LUZP2: variants seen among roughly 807,000 people sequenced by gnomAD.
LUZP2 encodes leucine zipper protein 2.
In LUZP2, 52 loss-of-function variants were observed where a neutral mutation model predicts 51.6. The observed-to-expected ratio is 1.01, with a 90% CI of 0.81 to 1.27. LUZP2 has a LOEUF of 1.27. LUZP2 is among the 50% of genes most tolerant of loss of function. LUZP2 has a pLI of 0.00. For synonymous variants in LUZP2, 154 were observed against 137.3 expected (o/e 1.12, Z -0.85); for missense variants, 436 against 395.4 (o/e 1.10, Z -0.87).
chr11:24,559,671 G>C (rs1380776840), intron 1 of LUZP2, among the ~76,000 whole-genome samples: 1 of 152,170 alleles, frequency 6.6e-6, no homozygotes, highest in Non-Finnish European at 1.5e-5. Context: ...CAATTATCTT[G>C]TGACTTTTCT....
chr11:24,723,350 G>A (rs980697062), intron 1 of LUZP2, among the ~76,000 whole-genome samples: 6 of 152,060 alleles, frequency 3.9e-5, no homozygotes, highest in African/African-American at 9.7e-5. Flanking sequence ...TTTATGATGC[G>A]GCAATTCCAT....
At chr11:24,731,120 G>C (rs186831094) in intron 2 of LUZP2, among the ~76,000 whole-genome samples, 3 of 151,690 alleles carry the variant, frequency 2.0e-5, no homozygotes, top group African/African-American at 7.2e-5. Context: ...GGTTTGTCTT[G>C]TAAAGTTCAT....
At chr11:24,636,268 A>G (rs946946824) in intron 1 of LUZP2, among the ~76,000 whole-genome samples, 1 of 152,120 alleles carries the variant, frequency 6.6e-6, no homozygotes, top group Non-Finnish European at 1.5e-5. Flanking sequence ...TTCTCTATCA[A>G]TACTACTTTT....
intron 1 of LUZP2, among the ~76,000 whole-genome samples, chr11:24,531,556 T>G (rs1851000843): frequency 6.6e-6 from 1 of 150,908 alleles, no homozygotes; most frequent in Admixed American, 6.6e-5. Context: ...CTTGTGTATC[T>G]ATTAGCCCAC....
Position 24,817,623 on chromosome 11 carries a change from A to G in LUZP2, c.396+54315A>G, listed in dbSNP as rs190968554. Reference sequence around the variant, plus strand: ...CTTGAAAAACAAAATTAATTTTCCAAATTCTCTGATAGTGAGAATTTACTT... The same window carrying G: ...CTTGAAAAACAAAATTAATTTTCCAGATTCTCTGATAGTGAGAATTTACTT... On this transcript the variant is annotated intron_variant, in intron 5 of 11. Coordinates refer to ENST00000336930, the MANE Select transcript of LUZP2 (RefSeq NM_001009909.4). 1.6e-4 allele frequency among the ~76,000 whole-genome samples: 24 copies of G among 152,176 alleles called. No homozygotes were observed. The East Asian group carries it at 2.3e-3, about 15-fold the overall frequency.
intron 5 of LUZP2, among the ~76,000 whole-genome samples, chr11:24,774,362 C>CTCTCTCTATATATATATATATATA (rs776739280): frequency 2.6e-5 from 2 of 76,388 alleles, no homozygotes; most frequent in African/African-American, 1.2e-4. Flanking sequence ...CTCTCTCTCT[C>CTCTCTCTATATATATATATATATA]TATATATATA....
chr11:24,642,221 C>T (rs1315092087), intron 1 of LUZP2, among the ~76,000 whole-genome samples: 1 of 151,776 alleles, frequency 6.6e-6, no homozygotes, highest in African/African-American at 2.4e-5. Flanking sequence ...GGATTTTTAG[C>T]TAATAAACGT....
Position 24,935,401 on chromosome 11 carries a change from T to C in LUZP2, c.522+20863T>C, listed in dbSNP as rs141873036. 9.7e-3 allele frequency among the ~76,000 whole-genome samples: 1,475 copies of C among 152,332 alleles called. 20 individuals carry two copies. Among genetic ancestry groups the C allele is most frequent in the South Asian group, 0.045 (217 of 4,830 alleles). On this transcript the variant is annotated intron_variant, in intron 7 of 11. Transcript: ENST00000336930. ...TCTTTAAATACTAAATGCTTTGTTA[T>C]TAAGTACCTGTTTAAAAATTACTTT...
rs181044560 is a variant in LUZP2, at chr11:24,589,200, C to G, written c.62+91895C>G. On this transcript the variant is annotated intron_variant, in intron 1 of 11. Coordinates refer to ENST00000336930, the MANE Select transcript of LUZP2 (RefSeq NM_001009909.4). ...TAGATCTCTAATTGATCACCAAAGACACCTGCATTTTCTGTTCCTGTTTTT... is the reference window on the plus strand; with the variant it reads ...TAGATCTCTAATTGATCACCAAAGAGACCTGCATTTTCTGTTCCTGTTTTT... Among the ~76,000 whole-genome samples the G allele has an allele frequency of 7.2e-5, 11 of 152,232 alleles. No individual in the cohort carries two copies. The East Asian group carries it at 2.1e-3, about 29-fold the overall frequency.
At chr11:24,772,741 T>C (rs1848782448) in intron 5 of LUZP2, among the ~76,000 whole-genome samples, 1 of 152,180 alleles carries the variant, frequency 6.6e-6, no homozygotes, top group African/African-American at 2.4e-5. Context: ...CAACAGGGCC[T>C]CTTCCTGGCT....
rs141390842 is a variant in LUZP2, at chr11:25,029,669, G to A, written c.766-20369G>A. Among the ~76,000 whole-genome samples the A allele has an allele frequency of 2.4e-3, 370 of 151,178 alleles. 1 individual carries two copies. The highest frequency in any genetic ancestry group is 4.3e-3 in the Non-Finnish European group (289 of 67,884). On this transcript the variant is annotated intron_variant, in intron 9 of 11. Coordinates refer to ENST00000336930, the MANE Select transcript of LUZP2 (RefSeq NM_001009909.4). ...GGAGAATCATTTGAACCCGGGAGGC[G>A]GAGGTTGCAATGAGCCAAGATTTAG...
At chr11:24,856,669 T>C (rs182424418) in intron 5 of LUZP2, among the ~76,000 whole-genome samples, 29 of 152,186 alleles carry the variant, frequency 1.9e-4, no homozygotes, top group Non-Finnish European at 4.4e-5. Context: ...AAGATATGGG[T>C]CAATAGAAGT....
At chr11:24,756,402 C>G (rs921385840) in intron 4 of LUZP2, among the ~76,000 whole-genome samples, 19 of 152,182 alleles carry the variant, frequency 1.2e-4, no homozygotes, top group Non-Finnish European at 1.8e-4. Context: ...TTGTCATCAA[C>G]AGTTTGCATT....
chr11:25,058,672 G>C (rs529560224), intron 10 of LUZP2, among the ~76,000 whole-genome samples: 2 of 152,138 alleles, frequency 1.3e-5, no homozygotes, highest in East Asian at 3.9e-4. Flanking sequence ...GTAAATTAAG[G>C]TTCAGAGAGG....
intron 5 of LUZP2, among the ~76,000 whole-genome samples, chr11:24,869,403 CCT>C (rs1350258981): frequency 5.9e-5 from 9 of 152,082 alleles, no homozygotes; most frequent in African/African-American, 1.9e-4. Context: ...ACTTTATATC[CCT>C]GTGTCACATT....
At chr11:25,030,989 T>A (rs1398631292) in intron 9 of LUZP2, among the ~76,000 whole-genome samples, 1 of 5,890 alleles carries the variant, frequency 1.7e-4, no homozygotes, top group Non-Finnish European at 2.7e-4. Context: ...TATAATACAA[T>A]ATATATTATA....
At chr11:24,693,201 A>G (rs562346211) in intron 1 of LUZP2, among the ~76,000 whole-genome samples, 1 of 151,660 alleles carries the variant, frequency 6.6e-6, no homozygotes, top group Non-Finnish European at 1.5e-5. Context: ...CTTGTTCAAT[A>G]ATATCATTTT....
chr11:24,549,902 T>A (rs1490976873), intron 1 of LUZP2, among the ~76,000 whole-genome samples: 2 of 152,104 alleles, frequency 1.3e-5, no homozygotes, highest in African/African-American at 4.8e-5. Flanking sequence ...TATAAAGAAA[T>A]AAAATTACTG....
intron 1 of LUZP2, among the ~76,000 whole-genome samples, chr11:24,603,179 A>G (rs748912558): frequency 1.3e-5 from 2 of 151,802 alleles, no homozygotes; most frequent in Non-Finnish European, 2.9e-5. Context: ...GGTCCTGAGA[A>G]TTAATGTGAA....
Sources: gnomAD v4.1 joint callset for allele counts (sites outside exome capture counted in the v4.1 genomes callset) on GRCh38, gnomAD v4.1.1 for gene constraint, MANE v1.5 for transcripts, NCBI Gene and HGNC (gene_info 2026-07-23, HGNC 2026-07-21) for gene names.